Variants in CYP4F3 observed in about 807,000 individuals in gnomAD.
CYP4F3 encodes cytochrome P450 family 4 subfamily F member 3.
CYP4F3 carries 50 observed loss-of-function variants against 54.8 expected under a neutral mutation model. The observed-to-expected ratio is 0.91, with a 90% confidence interval of 0.73 to 1.16. The LOEUF is 1.16. Among genes scored for constraint, CYP4F3 ranks in the 50% most tolerant of loss-of-function variants. The pLI is 0.00. For missense variants in CYP4F3, 715 were observed against 676.2 expected, an observed-to-expected ratio of 1.06 and a Z score of -0.64; for synonymous variants, 244 against 262.6, an observed-to-expected ratio of 0.93 and a Z score of 0.69.
intron 9 of CYP4F3, among the ~76,000 whole-genome samples, chr19:15,654,024 G>T (rs1471834852): frequency 6.6e-6 from 1 of 152,102 alleles, no homozygotes; most frequent in Non-Finnish European, 1.5e-5. Context: ...GGGTGTACTG[G>T]AGAGGACCAG....
At position 15,661,808 on chromosome 19, in the gene CYP4F3, C is replaced by T. The variant is rs1973188990; in HGVS notation, c.*2423C>T. ...CCATATATAGGAACTCTTTGCTTAA[C>T]TGGAGGTCATGGAGATTTTCTCCTA... On this transcript the variant is annotated 3_prime_UTR_variant, in exon 13 of 13. Coordinates refer to ENST00000221307, the MANE Select transcript of CYP4F3 (RefSeq NM_000896.3). 1 of 152,108 alleles carries T rather than the reference C, an allele frequency of 6.6e-6. No homozygotes were observed. The allele number at this position is 152,108 out of a possible 1,614,324, so 9.4% of individuals were successfully genotyped here.
intron 2 of CYP4F3, among the ~76,000 whole-genome samples, chr19:15,644,960 G>T (rs931374760): frequency 2.0e-5 from 3 of 152,208 alleles, no homozygotes; most frequent in Non-Finnish European, 4.4e-5. Context: ...CAAAGAAAGA[G>T]AATCTATTGA....
intron 7 of CYP4F3, among the ~76,000 whole-genome samples, chr19:15,650,660 T>TTTTCTTTTTCTTTC (rs1555742388): frequency 5.6e-4 from 20 of 35,642 alleles, no homozygotes; most frequent in East Asian, 4.4e-3. Context: ...CCTGCCTTCT[T>TTTTCTTTTTCTTTC]TTTCTTTCTT....
chr19:15,657,050 C>A (rs772274165), intron 9 of CYP4F3, among the ~76,000 whole-genome samples: 1 of 152,174 alleles, frequency 6.6e-6, no homozygotes, highest in Non-Finnish European at 1.5e-5. Context: ...TACCTTCTAG[C>A]CTGCAGTATG....
intron 7 of CYP4F3, among the ~76,000 whole-genome samples, chr19:15,650,806 T>TCTTCTTTCTCTC (rs1474870131): frequency 7.3e-5 from 1 of 13,710 alleles, no homozygotes; most frequent in African/African-American, 5.1e-4. Flanking sequence ...TTTCTCTCTC[T>TCTTCTTTCTCTC]TCTCTTTCTT....
intron 10 of CYP4F3, 31 bp from the exon 11 acceptor site, chr19:15,658,460 A>C (rs4646514): frequency 0.39 from 628,212 of 1,613,770 alleles, 128,140 homozygotes; most frequent in East Asian, 0.65. Context: ...GGCAGGGAGC[A>C]TTGTCCTGAC....
At chr19:15,645,575 G>A in intron 2 of CYP4F3, 144 bp from the exon 3 acceptor site, 1 of 1,064,498 alleles carries the variant, frequency 9.4e-7, no homozygotes. Context: ...ATGTGAGGAG[G>A]AAGCCCAGTG....
At chr19:15,658,694 C>T in intron 11 of CYP4F3, 33 bp from the exon 12 acceptor site, 1 of 1,612,838 alleles carries the variant, frequency 6.2e-7, no homozygotes, top group Non-Finnish European at 8.5e-7. Flanking sequence ...CTGGGAGACC[C>T]CACCCGGCAA....
At chr19:15,643,168 G>T (rs997937151) in intron 2 of CYP4F3, among the ~76,000 whole-genome samples, 1 of 151,310 alleles carries the variant, frequency 6.6e-6, no homozygotes, top group Admixed American at 6.6e-5. Context: ...TGAATAGATA[G>T]ATAGGTAGGT....
chr19:15,649,354 T>C (rs1972720389), intron 6 of CYP4F3, 73 bp downstream of exon 6: 16 of 1,605,190 alleles, frequency 1.0e-5, no homozygotes, highest in Non-Finnish European at 1.4e-5. Flanking sequence ...TGGGGAGGAC[T>C]GAGCAGGGAA....
chr19:15,645,809 G>A lies in CYP4F3; in HGVS notation c.289G>A (p.Ala97Thr), dbSNP rs774751788. 28 of 1,613,874 alleles carry A rather than the reference G, an allele frequency of 1.7e-5. 1 individual carries two copies. The highest frequency in any genetic ancestry group is 8.9e-5 in the East Asian group (4 of 44,886). The change falls in exon 3 of 13, where the codon GCA becomes ACA. Residue 97 changes from alanine (A) to threonine (T), a missense_variant. By Grantham distance (58) the Ala-to-Thr change is moderately conservative. Coordinates refer to ENST00000221307, the MANE Select transcript of CYP4F3 (RefSeq NM_000896.3). The part of the protein sequence containing the change: ...MCCWWVGPWH[A>T]IVRIFHPTYI... The stretch of plus-strand genomic sequence containing the variant: ...CTGCTGGTGGGTGGGGCCCTGGCAC[G>A]CAATCGTCCGCATCTTCCACCCCAC...
At chr19:15,658,944 G>T (rs1973112023) in intron 12 of CYP4F3, 135 bp downstream of exon 12, 3 of 1,323,786 alleles carry the variant, frequency 2.3e-6, no homozygotes, top group Middle Eastern at 1.9e-4. Context: ...GGAGTTTATG[G>T]GAAAAGGCCC....
In CYP4F3 at chr19:15,647,045, A is replaced by C; in HGVS notation, c.344-7A>C. Reference sequence around the variant, plus strand: ...CCATGGCCCCTGATTGTCCTCATTTATGTCAGCTGCCATTGTACCAAAGGA... The same window carrying C: ...CCATGGCCCCTGATTGTCCTCATTTCTGTCAGCTGCCATTGTACCAAAGGA... On this transcript the variant is annotated splice_polypyrimidine_tract_variant and splice_region_variant and intron_variant, in intron 3 of 12. Coordinates refer to ENST00000221307, the MANE Select transcript of CYP4F3 (RefSeq NM_000896.3). 1 of 1,613,980 alleles carries C rather than the reference A, an allele frequency of 6.2e-7. No homozygotes were observed. Among genetic ancestry groups the C allele is most frequent in the Non-Finnish European group, 8.5e-7 (1 of 1,179,970 alleles).
rs1207740782 is a variant in CYP4F3 at position 15,661,141 on chromosome 19, A to G, written c.*1756A>G. 6.6e-6 allele frequency: 1 copy of G among 151,836 alleles called. No homozygotes were observed. The highest frequency in any genetic ancestry group is 2.4e-5 in the African/African-American group (1 of 41,328). 9.4% of individuals were successfully genotyped at this position (151,836 alleles called of 1,614,324 possible). On this transcript the variant is annotated 3_prime_UTR_variant, in exon 13 of 13. Coordinates refer to ENST00000221307, the MANE Select transcript of CYP4F3 (RefSeq NM_000896.3). The stretch of plus-strand genomic sequence containing the variant: ...GCTGGTCATGGTGGTGCGGGCCTGT[A>G]ATCCCAGCTACTCGGGAGGCTGATG...
intron 2 of CYP4F3, among the ~76,000 whole-genome samples, chr19:15,644,647 T>A (rs1198094004): frequency 6.6e-6 from 1 of 152,228 alleles, no homozygotes; most frequent in Non-Finnish European, 1.5e-5. Context: ...TGTCCATCTC[T>A]GGTGTGGGTC....
rs149389323 is a variant in CYP4F3 at position 15,652,635 on chromosome 19, G to C, written c.985G>C (p.Gly329Arg). The C allele has an allele frequency of 6.8e-6, 11 of 1,614,042 alleles. No individual in the cohort carries two copies. Among genetic ancestry groups the C allele is most frequent in the African/African-American group, 2.7e-5 (2 of 74,902 alleles). ...RAEADTFMFE[G>R]HDTTASGLSW... ...AGAAGCTGACACCTTTATGTTTGAG[G>C]GTGAGGGCCCCAGTGTGGGGCTAGA... The change falls in exon 8 of 13, where the codon GGC becomes CGC. Residue 329 changes from glycine (G) to arginine (R), a missense_variant and splice_region_variant. Gly to Arg is a moderately radical substitution (Grantham distance 125). Coordinates refer to ENST00000221307, the MANE Select transcript of CYP4F3 (RefSeq NM_000896.3).
chr19:15,641,644 C>T (rs1309995842), intron 2 of CYP4F3, 31 bp downstream of exon 2: 1 of 1,606,336 alleles, frequency 6.2e-7, no homozygotes, highest in Admixed American at 1.7e-5. Context: ...GGTCTGGGGT[C>T]TCAGGGTGGA....
rs372788701 is a variant in CYP4F3, at chr19:15,658,777, T to G, written c.1365T>G (p.Pro455=). 1.9e-6 allele frequency: 3 copies of G among 1,614,118 alleles called. No homozygotes were observed. Among genetic ancestry groups the G allele is most frequent in the South Asian group, 1.1e-5 (1 of 91,088 alleles). The part of the protein sequence containing the change: ...FDPKNIKERS[P]LAFIPFSAGP... ...CAAAGAACATCAAGGAGAGGTCACCTCTGGCTTTTATTCCCTTCTCAGCAG... is the reference window on the plus strand; with the variant it reads ...CAAAGAACATCAAGGAGAGGTCACCGCTGGCTTTTATTCCCTTCTCAGCAG... The change falls in exon 12 of 13, where the codon CCT becomes CCG. Residue 455 remains proline, a synonymous_variant. Transcript: ENST00000221307.
rs776587681 is a variant in CYP4F3 at position 15,645,717 on chromosome 19, A to G, written c.199-2A>G. On this transcript the variant is annotated splice_acceptor_variant, in intron 2 of 12. Transcript: ENST00000221307. LOFTEE classifies it high-confidence loss of function. ...AATTGGGTCCTGTGTCTTTCTCTCC[A>G]GATTCACAGCTCGGAGGAAGGTCTC... 6.2e-7 allele frequency: 1 copy of G among 1,603,946 alleles called. No homozygotes were observed. Among genetic ancestry groups the G allele is most frequent in the Non-Finnish European group, 8.5e-7 (1 of 1,172,818 alleles).
Sources: allele counts gnomAD v4.1 joint callset (sites outside exome capture counted in the v4.1 genomes callset), GRCh38; gene constraint gnomAD v4.1.1; transcripts MANE v1.5; gene names NCBI Gene and HGNC (gene_info 2026-07-23, HGNC 2026-07-21).